The following TMA16 variants were observed in gnomAD, a reference collection of about 807,000 sequenced individuals.
TMA16 encodes the protein translation machinery associated 16 homolog, also known as translation machinery-associated protein 16.
A neutral mutation model predicts 27.1 loss-of-function variants in TMA16; 26 were observed. The observed-to-expected ratio is 0.96, with a 90% CI of 0.70 to 1.33. The LOEUF (loss-of-function observed/expected upper bound fraction) is 1.33, where lower values mean the gene tolerates loss of function less well. Among genes scored for constraint, TMA16 ranks in the 40% most tolerant of loss-of-function variants. The probability of loss-of-function intolerance (pLI) is 0.00; values close to 1 mark genes in which losing one functional copy is unlikely to be tolerated. For synonymous variants in TMA16, 71 were observed against 81.9 expected (o/e 0.87, Z 0.72); for missense variants, 233 against 241.4 (o/e 0.97, Z 0.23).
chr4:163,512,396 G>A (rs1456329953), intron 2 of TMA16: 1 of 153,386 alleles, frequency 6.5e-6, no homozygotes, highest in Non-Finnish European at 1.4e-5. Context: ...TTCATTGAAA[G>A]TAACCATTCT....
chr4:163,494,757 T>A lies in TMA16; in HGVS notation c.-45T>A, dbSNP rs777983802. On this transcript the variant is annotated 5_prime_UTR_variant, in exon 1 of 7. Coordinates refer to ENST00000358572, the MANE Select transcript of TMA16 (RefSeq NM_018352.3). ...TGCTCCTGCGGTTGGTGAGATTACC[T>A]GGGTCTAGAGTGCGGAGCTGCTCCG... 2.5e-6 allele frequency: 4 copies of A among 1,613,116 alleles called. No homozygotes were observed. The African/African-American group carries it at 4.0e-5, about 16-fold the overall frequency.
Position 163,515,440 on chromosome 4 carries a change from C to G in TMA16, c.367C>G (p.Gln123Glu). 6.2e-7 allele frequency: 1 copy of G among 1,613,922 alleles called. No individual in the cohort carries two copies. The change falls in exon 5 of 7, where the codon CAG becomes GAG. Residue 123 changes from glutamine to glutamate, a missense_variant. Transcript: ENST00000358572. ...IKQTMERERQ[Q>E]FEGYGLEIPD... is the part of the protein sequence containing the mutation. Reference sequence around the variant, plus strand: ...GCAGACGATGGAGCGGGAGCGACAGCAGTTTGAGGGATATGGCCTTGGTGT... The same window carrying G: ...GCAGACGATGGAGCGGGAGCGACAGGAGTTTGAGGGATATGGCCTTGGTGT...
chr4:163,509,559 C>T (rs1737764046), intron 2 of TMA16, among the ~76,000 whole-genome samples: 1 of 152,190 alleles, frequency 6.6e-6, no homozygotes, highest in Admixed American at 6.5e-5. Flanking sequence ...GGACTGCATT[C>T]ATCTCAGAGC....
Position 163,519,413 on chromosome 4 carries a change from T to G in TMA16, c.511T>G (p.Cys171Gly). 1 of 1,607,398 alleles carries G rather than the reference T, an allele frequency of 6.2e-7. No individual in the cohort carries two copies. The highest frequency in any genetic ancestry group is 8.5e-7 in the Non-Finnish European group (1 of 1,177,720). ...ICANDAIPKT[C>G]KRKTIITVDQ... The stretch of plus-strand genomic sequence containing the variant: ...CGCTAATGATGCAATTCCCAAGACG[T>G]GCAAGAGGAAAACTATTATAACTGT... Residue 171 changes from cysteine to glycine, a missense_variant, in exon 7 of 7, where the codon TGC becomes GGC. Transcript: ENST00000358572.
At chr4:163,506,543 T>C (rs1352067005) in intron 1 of TMA16, among the ~76,000 whole-genome samples, 1 of 152,192 alleles carries the variant, frequency 6.6e-6, no homozygotes. Flanking sequence ...ATGGCTTCTA[T>C]TATTTTCTCT....
intron 1 of TMA16, among the ~76,000 whole-genome samples, chr4:163,495,947 A>C (rs148910978): frequency 1.5e-4 from 23 of 152,312 alleles, no homozygotes; most frequent in Non-Finnish European, 2.9e-4. Flanking sequence ...AGAGTGGAAT[A>C]TGAAAGCAAT....
chr4:163,509,001 A>G (rs1282476557), intron 2 of TMA16, among the ~76,000 whole-genome samples: 1 of 152,234 alleles, frequency 6.6e-6, no homozygotes, highest in Non-Finnish European at 1.5e-5. Flanking sequence ...TGCTTAGACA[A>G]TGTTCTAAAT....
intron 2 of TMA16, 93 bp downstream of exon 2, chr4:163,507,238 C>T (rs1259019661): frequency 6.3e-6 from 7 of 1,105,096 alleles, no homozygotes; most frequent in African/African-American, 1.6e-5. Flanking sequence ...AGTATTGTCT[C>T]CCTTTCATAA....
chr4:163,503,122 A>G (rs1047880755), intron 1 of TMA16, among the ~76,000 whole-genome samples: 2 of 152,200 alleles, frequency 1.3e-5, no homozygotes, highest in African/African-American at 2.4e-5. Context: ...GCCTGTGTGT[A>G]TAGTAGGCTA....
intron 1 of TMA16, among the ~76,000 whole-genome samples, chr4:163,496,672 A>G (rs1376566244): frequency 1.3e-5 from 2 of 151,912 alleles, no homozygotes; most frequent in Non-Finnish European, 2.9e-5. Context: ...ATCGCGGCTC[A>G]TTGCAACCTC....
chr4:163,508,387 C>T (rs182661709), intron 2 of TMA16, among the ~76,000 whole-genome samples: 1 of 152,296 alleles, frequency 6.6e-6, no homozygotes, highest in Admixed American at 6.5e-5. Context: ...TTAGGGACCA[C>T]ACTATGAGAA....
intron 4 of TMA16, among the ~76,000 whole-genome samples, chr4:163,514,721 A>G (rs1737849926): frequency 6.6e-6 from 1 of 152,186 alleles, no homozygotes; most frequent in Non-Finnish European, 1.5e-5. Flanking sequence ...GAATGAAGAA[A>G]ACAGACTGAG....
chr4:163,517,314 C>T (rs1335141609), intron 5 of TMA16, 120 bp from the exon 6 acceptor site: 30 of 909,240 alleles, frequency 3.3e-5, no homozygotes, highest in Non-Finnish European at 5.0e-5. Context: ...TTAATTACAG[C>T]AATACTTCGA....
chr4:163,503,310 G>A (rs572347956), intron 1 of TMA16, among the ~76,000 whole-genome samples: 1 of 150,480 alleles, frequency 6.6e-6, no homozygotes, highest in South Asian at 2.1e-4. Context: ...CATGGGTTTG[G>A]TCTTAAACTT....
At chr4:163,499,981 C>CA (rs1737622672) in intron 1 of TMA16, among the ~76,000 whole-genome samples, 7 of 152,046 alleles carry the variant, frequency 4.6e-5, no homozygotes, top group Admixed American at 4.6e-4. Flanking sequence ...TACTTTGTTA[C>CA]ATAATATACA....
At chr4:163,495,089 G>C (rs549536629) in intron 1 of TMA16, among the ~76,000 whole-genome samples, 2 of 152,252 alleles carry the variant, frequency 1.3e-5, no homozygotes, top group African/African-American at 4.8e-5. Context: ...CTTCCTGGGG[G>C]AAACCCGGCA....
At chr4:163,495,839 A>G (rs1462187992) in intron 1 of TMA16, among the ~76,000 whole-genome samples, 1 of 151,856 alleles carries the variant, frequency 6.6e-6, no homozygotes, top group Non-Finnish European at 1.5e-5. Context: ...CATATTTTGT[A>G]CTTTAGATTG....
intron 1 of TMA16, among the ~76,000 whole-genome samples, chr4:163,506,315 C>A (rs949651537): frequency 1.3e-5 from 2 of 152,068 alleles, no homozygotes; most frequent in African/African-American, 4.8e-5. Flanking sequence ...AAGAACCAAA[C>A]TTAAGCTGGG....
At chr4:163,519,189 A>C (rs1737929160) in intron 6 of TMA16, 145 bp from the exon 7 acceptor site, 2 of 637,750 alleles carry the variant, frequency 3.1e-6, no homozygotes. Flanking sequence ...GCTTTCTAGT[A>C]ATTTGTGCCT....
Sources: gnomAD v4.1 joint callset for allele counts (sites outside exome capture counted in the v4.1 genomes callset) on GRCh38, gnomAD v4.1.1 for gene constraint, MANE v1.5 for transcripts, NCBI Gene and HGNC (gene_info 2026-07-23, HGNC 2026-07-21) for gene names.